Variants in FMN1 observed in about 807,000 individuals in gnomAD.
FMN1 encodes formin 1.
FMN1 carries 110 observed loss-of-function variants against 132.4 expected under a neutral mutation model. That is an observed-to-expected ratio of 0.83 (90% CI 0.71 to 0.97). FMN1 has a LOEUF of 0.97. FMN1 is among the 50% of genes least tolerant of loss of function. The probability of loss-of-function intolerance (pLI) is 0.00; values close to 1 mark genes in which losing one functional copy is unlikely to be tolerated. For missense variants in FMN1, 1,792 were observed against 1,705.3 expected (o/e 1.05, Z -0.90); for synonymous variants, 722 against 651.7 (o/e 1.11, Z -1.64).
At chr15:33,085,699 C>T (rs952766077) in intron 5 of FMN1, among the ~76,000 whole-genome samples, 3 of 151,610 alleles carry the variant, frequency 2.0e-5, no homozygotes, top group African/African-American at 7.3e-5. Context: ...AAAGAATCCA[C>T]CTCCTAGAAT....
intron 6 of FMN1, among the ~76,000 whole-genome samples, chr15:33,021,565 G>A (rs2035418065): frequency 6.6e-6 from 1 of 152,156 alleles, no homozygotes; most frequent in Non-Finnish European, 1.5e-5. Context: ...GAGTCTTTAT[G>A]TTCTGGGATG....
chr15:32,863,195 G>A (rs1352011462), intron 16 of FMN1, among the ~76,000 whole-genome samples: 1 of 152,204 alleles, frequency 6.6e-6, no homozygotes, highest in Non-Finnish European at 1.5e-5. Context: ...TGTAATCCCA[G>A]CACTTTGGGA....
chr15:33,096,163 T>A (rs2039077631), intron 4 of FMN1, among the ~76,000 whole-genome samples: 1 of 152,182 alleles, frequency 6.6e-6, no homozygotes, highest in African/African-American at 2.4e-5. Flanking sequence ...AGAAACAAGC[T>A]GATCCCTGAT....
intron 15 of FMN1, among the ~76,000 whole-genome samples, chr15:32,889,789 A>G (rs557647882): frequency 1.7e-3 from 262 of 152,240 alleles, no homozygotes; most frequent in African/African-American, 5.9e-3. Flanking sequence ...TTTTTTTCCC[A>G]TAAGTTATTG....
intron 6 of FMN1, among the ~76,000 whole-genome samples, chr15:33,051,065 T>G (rs2036945638): frequency 6.6e-6 from 1 of 152,202 alleles, no homozygotes. Flanking sequence ...GCAATGTAAG[T>G]AACTGTTCAC....
chr15:33,096,775 T>C (rs1328246016), intron 4 of FMN1, among the ~76,000 whole-genome samples: 1 of 152,096 alleles, frequency 6.6e-6, no homozygotes, highest in Non-Finnish European at 1.5e-5. Context: ...GCTATTTATT[T>C]TTGTATCTTT....
chr15:33,008,873 G>A (rs2034557109), intron 6 of FMN1, among the ~76,000 whole-genome samples: 1 of 152,194 alleles, frequency 6.6e-6, no homozygotes, highest in Non-Finnish European at 1.5e-5. Context: ...ATTTTTGTGA[G>A]ATAAGCCAAT....
At chr15:32,789,056 CA>C (rs2056977203) in intron 19 of FMN1, among the ~76,000 whole-genome samples, 1 of 152,144 alleles carries the variant, frequency 6.6e-6, no homozygotes. Context: ...GCAAATCTTG[CA>C]ATCAATTTCA....
intron 17 of FMN1, among the ~76,000 whole-genome samples, chr15:32,833,755 A>G (rs1287811233): frequency 6.6e-6 from 1 of 152,184 alleles, no homozygotes; most frequent in Non-Finnish European, 1.5e-5. Flanking sequence ...GAGATGAACC[A>G]GCTGCTTTTT....
chr15:32,811,880 T>C (rs1309731386), intron 17 of FMN1, among the ~76,000 whole-genome samples: 1 of 152,256 alleles, frequency 6.6e-6, no homozygotes, highest in East Asian at 1.9e-4. Flanking sequence ...ACTCCTGACC[T>C]CAAGTGATCC....
chr15:33,065,761 T>C (rs942917086), intron 5 of FMN1, among the ~76,000 whole-genome samples: 1 of 152,240 alleles, frequency 6.6e-6, no homozygotes, highest in Non-Finnish European at 1.5e-5. Context: ...CAAGAAATTC[T>C]ATTTATTGTT....
At chr15:33,122,124 T>C (rs967152487) in intron 4 of FMN1, among the ~76,000 whole-genome samples, 1 of 152,228 alleles carries the variant, frequency 6.6e-6, no homozygotes, top group Non-Finnish European at 1.5e-5. Flanking sequence ...TACAGTTAAC[T>C]ACACAGTGAA....
intron 6 of FMN1, among the ~76,000 whole-genome samples, chr15:33,024,471 T>C (rs1053480639): frequency 6.6e-6 from 1 of 151,792 alleles, no homozygotes; most frequent in Non-Finnish European, 1.5e-5. Flanking sequence ...TGGTCTCGAT[T>C]TCCTGACCTC....
At chr15:33,173,935 T>C (rs1164845100) in intron 3 of FMN1, among the ~76,000 whole-genome samples, 1 of 149,850 alleles carries the variant, frequency 6.7e-6, no homozygotes, top group East Asian at 2.0e-4. Flanking sequence ...AATAAAAAAT[T>C]AAAAAAGAAA....
chr15:33,127,524 C>G (rs905918653), intron 4 of FMN1, among the ~76,000 whole-genome samples: 2 of 152,224 alleles, frequency 1.3e-5, no homozygotes, highest in African/African-American at 2.4e-5. Flanking sequence ...TTCCATTAAA[C>G]TCAACCTGAA....
chr15:33,153,559 T>C lies in FMN1; in HGVS notation c.1356A>G (p.Pro452=). The C allele has an allele frequency of 4.6e-6, 7 of 1,536,274 alleles. No homozygotes were observed. The highest frequency in any genetic ancestry group is 6.1e-6 in the Non-Finnish European group (7 of 1,146,940). Residue 452 remains proline (P), a synonymous_variant, in exon 4 of 21, where the codon CCA becomes CCG. Transcript: ENST00000616417. ...CGGCTCTCCTCTTGTTTCTCGTTTC[T>C]GGGCGAGTGTGAGGGACACTCGTGT... ...PVHTSVPHTR[P]ETRNKRRAGL...
At chr15:33,041,756 G>A (rs1178304666) in intron 6 of FMN1, among the ~76,000 whole-genome samples, 1 of 152,056 alleles carries the variant, frequency 6.6e-6, no homozygotes, top group African/African-American at 2.4e-5. Context: ...TGCATGATTG[G>A]CAGAAATATA....
chr15:32,996,584 C>A (rs367780860), intron 7 of FMN1, among the ~76,000 whole-genome samples: 2 of 152,172 alleles, frequency 1.3e-5, no homozygotes, highest in Non-Finnish European at 2.9e-5. Context: ...GGTGTAATAG[C>A]TCATTCACTC....
chr15:32,793,133 T>C (rs1028109090), intron 19 of FMN1, among the ~76,000 whole-genome samples: 2 of 152,146 alleles, frequency 1.3e-5, no homozygotes, highest in Non-Finnish European at 2.9e-5. Flanking sequence ...GAGGTGTGTA[T>C]AGTTTTTTAA....
Sources: gnomAD v4.1 joint callset for allele counts (sites outside exome capture counted in the v4.1 genomes callset) on GRCh38, gnomAD v4.1.1 for gene constraint, MANE v1.5 for transcripts, NCBI Gene and HGNC (gene_info 2026-07-23, HGNC 2026-07-21) for gene names.